The following FBXL4 variants were observed in gnomAD, a reference collection of about 807,000 sequenced individuals.
FBXL4 encodes the protein F-box and leucine rich repeat protein 4.
Under a neutral mutation model 58.9 loss-of-function variants are expected in FBXL4, and 40 were observed. That is an observed-to-expected ratio of 0.68 (90% CI 0.53 to 0.88). The LOEUF (loss-of-function observed/expected upper bound fraction) is 0.88. Ranked by LOEUF, FBXL4 falls within the 40% of genes least tolerant of loss-of-function variation. The pLI is 0.00. For synonymous variants in FBXL4, 263 were observed against 265.5 expected (o/e 0.99, Z 0.09); for missense variants, 676 against 734.4 (o/e 0.92, Z 0.92).
At chr6:98,916,341 C>T (rs1225401588) in intron 5 of FBXL4, among the ~76,000 whole-genome samples, 1 of 152,206 alleles carries the variant, frequency 6.6e-6, no homozygotes, top group African/African-American at 2.4e-5. Flanking sequence ...GACAATAAAT[C>T]ATGCTGCTAG....
At chr6:98,913,200 G>T (rs1000442541) in intron 5 of FBXL4, among the ~76,000 whole-genome samples, 8 of 152,224 alleles carry the variant, frequency 5.3e-5, no homozygotes, top group Admixed American at 5.2e-4. Context: ...ACCTAAAAGA[G>T]ACTTAGACTC....
intron 1 of FBXL4, among the ~76,000 whole-genome samples, chr6:98,947,562 T>C (rs1773669997): frequency 6.6e-6 from 1 of 152,236 alleles, no homozygotes; most frequent in African/African-American, 2.4e-5. Context: ...AGGCAGACTG[T>C]AGCGTAGAAA....
At position 98,897,020 on chromosome 6, in the gene FBXL4, C is replaced by T. The variant is rs924980225; in HGVS notation, c.1317+2248G>A. 6 of 984,922 alleles carry T rather than the reference C, an allele frequency of 6.1e-6. No individual in the cohort carries two copies. The South Asian group carries it at 2.4e-4, about 39-fold the overall frequency. 61.0% of individuals were successfully genotyped at this position (984,922 alleles called of 1,614,324 possible). On this transcript the variant is annotated intron_variant, in intron 7 of 9. Coordinates refer to ENST00000369244, the MANE Select transcript of FBXL4 (RefSeq NM_001278716.2). The stretch of plus-strand genomic sequence containing the variant: ...AAACATCTCATGGGATATATTTTCA[C>T]AAGCCACAATAGATATAAGATGCCT...
chr6:98,918,307 A>G (rs1488009911), intron 4 of FBXL4, among the ~76,000 whole-genome samples: 1 of 152,162 alleles, frequency 6.6e-6, no homozygotes, highest in Non-Finnish European at 1.5e-5. Flanking sequence ...CTTAGTATCT[A>G]GCAAATATCT....
chr6:98,881,654 A>C (rs1770857909), intron 7 of FBXL4, among the ~76,000 whole-genome samples: 1 of 152,090 alleles, frequency 6.6e-6, no homozygotes, highest in South Asian at 2.1e-4. Flanking sequence ...ATGTAAGGTT[A>C]CTTAAAGCAA....
chr6:98,928,829 A>G (rs1772891437), intron 2 of FBXL4, among the ~76,000 whole-genome samples: 1 of 152,210 alleles, frequency 6.6e-6, no homozygotes, highest in South Asian at 2.1e-4. Flanking sequence ...TGTCTAACCC[A>G]GCAAACCCAA....
intron 7 of FBXL4, chr6:98,898,381 A>G (rs1771480463): frequency 2.0e-6 from 2 of 985,430 alleles, no homozygotes; most frequent in Middle Eastern, 5.2e-4. Context: ...TCTATCCAAC[A>G]GCAGTAATAG....
intron 2 of FBXL4, among the ~76,000 whole-genome samples, chr6:98,929,019 GGGA>G (rs1442431165): frequency 2.0e-5 from 3 of 152,110 alleles, no homozygotes; most frequent in Non-Finnish European, 2.9e-5. Context: ...TCTTGAAGGA[GGGA>G]ATCTAGCCAA....
At chr6:98,898,266 G>C (rs1771476153) in intron 7 of FBXL4, 5 of 983,008 alleles carry the variant, frequency 5.1e-6, no homozygotes, top group Non-Finnish European at 6.0e-6. Context: ...GGAATAGAAA[G>C]AAGGCCAATA....
chr6:98,900,889 CCT>C lies in FBXL4; in HGVS notation c.1104-1410_1104-1409del, dbSNP rs566168370. On this transcript the variant is annotated intron_variant, in intron 6 of 9. Coordinates refer to ENST00000369244, the MANE Select transcript of FBXL4 (RefSeq NM_001278716.2). ...AACTCTGACACTCCTCACATAACTC[CCT>C]CTCTTGGATCTCCTCCAACCCCTCT... Among the ~76,000 whole-genome samples, 42 of 152,262 alleles carry C rather than the reference CCT, an allele frequency of 2.8e-4. No homozygotes were observed. In the South Asian group the frequency reaches 8.5e-3, roughly 31 times the overall value.
At chr6:98,906,334 A>AC (rs1771809379) in intron 5 of FBXL4, among the ~76,000 whole-genome samples, 1 of 123,978 alleles carries the variant, frequency 8.1e-6, no homozygotes, top group South Asian at 2.6e-4. Flanking sequence ...TAGCCCCACC[A>AC]CCCCCCAACA....
Position 98,874,211 on chromosome 6 carries a change from C to A in FBXL4, c.*67G>T. 2 of 1,334,844 alleles carry A rather than the reference C, an allele frequency of 1.5e-6. No homozygotes were observed. Among genetic ancestry groups the A allele is most frequent in the South Asian group, 1.8e-5 (1 of 54,124 alleles). 82.7% of individuals were successfully genotyped at this position (1,334,844 alleles called of 1,614,324 possible). A position where few individuals can be genotyped will look rare whatever the true frequency, so the allele number is the denominator to read the frequency against. The stretch of plus-strand genomic sequence containing the variant: ...ACCATTAAAACAACTAAAAACAAAA[C>A]CCAAAACCAATCCCAAAATTAAACC... On this transcript the variant is annotated 3_prime_UTR_variant, in exon 10 of 10. Transcript: ENST00000369244.
rs993618232 is a variant in FBXL4 at position 98,927,784 on chromosome 6, G to A, written c.-152C>T. The A allele has an allele frequency of 2.0e-5, 3 of 152,202 alleles. No individual in the cohort carries two copies. The highest frequency in any genetic ancestry group is 6.5e-5 in the Admixed American group (1 of 15,286). 9.4% of individuals were successfully genotyped at this position (152,202 alleles called of 1,614,324 possible). On this transcript the variant is annotated 5_prime_UTR_variant, in exon 3 of 10. Transcript: ENST00000369244. ...CCAGGTACCCTGAACTTTGCATGCTGACTTCAGGTACAAATGCTGACATGT... is the reference window on the plus strand; with the variant it reads ...CCAGGTACCCTGAACTTTGCATGCTAACTTCAGGTACAAATGCTGACATGT...
intron 5 of FBXL4, 77 bp from the exon 6 acceptor site, chr6:98,905,747 T>C: frequency 1.4e-6 from 2 of 1,411,826 alleles, no homozygotes; most frequent in South Asian, 1.3e-5. Flanking sequence ...CATAATCTAA[T>C]AAGGAATAAA....
chr6:98,920,900 A>G (rs1369013455), intron 4 of FBXL4, among the ~76,000 whole-genome samples: 1 of 151,950 alleles, frequency 6.6e-6, no homozygotes, highest in African/African-American at 2.4e-5. Flanking sequence ...GCCCCAGGGC[A>G]GTGTTGATAT....
chr6:98,873,595 G>C lies in FBXL4; in HGVS notation c.*683C>G, dbSNP rs534246842. On this transcript the variant is annotated 3_prime_UTR_variant, in exon 10 of 10. Transcript: ENST00000369244. ...GGAAACACTACAATTTTTTTTAAGA[G>C]AAAGGGACTTGCTATATTGCCCAGG... 2 of 151,954 alleles carry C rather than the reference G, an allele frequency of 1.3e-5. No individual in the cohort carries two copies. The highest frequency in any genetic ancestry group is 4.1e-4 in the South Asian group (2 of 4,820). The allele number at this position is 151,954 out of a possible 1,614,324, so 9.4% of individuals were successfully genotyped here.
At chr6:98,945,706 C>T (rs891466381) in intron 1 of FBXL4, among the ~76,000 whole-genome samples, 4 of 152,086 alleles carry the variant, frequency 2.6e-5, no homozygotes, top group African/African-American at 7.2e-5. Flanking sequence ...CTTCTACAGC[C>T]ATTTATCTCT....
rs754001134 is a variant in FBXL4 at position 98,926,519 on chromosome 6, C to A, written c.470G>T (p.Cys157Phe). Reference protein sequence around the residue: ...HPGAVIRILACSANPYSPNPP... With the variant: ...HPGAVIRILAFSANPYSPNPP... ...ATTTGGGGAATAAGGATTTGCAGAA[C>A]AAGCGAGAATTCTAATGACTGCTCC... Residue 157 changes from cysteine (C) to phenylalanine (F), a missense_variant, in exon 4 of 10, where the codon TGT becomes TTT. Transcript: ENST00000369244. The A allele has an allele frequency of 1.2e-6, 2 of 1,613,084 alleles. No homozygotes were observed. Among genetic ancestry groups the A allele is most frequent in the African/African-American group, 2.7e-5 (2 of 75,024 alleles).
intron 4 of FBXL4, among the ~76,000 whole-genome samples, chr6:98,925,878 T>G (rs896617913): frequency 6.6e-6 from 1 of 152,138 alleles, no homozygotes; most frequent in Non-Finnish European, 1.5e-5. Flanking sequence ...GAGAACAGGG[T>G]ACATGTGAGA....
Sources: gnomAD v4.1 joint callset for allele counts (sites outside exome capture counted in the v4.1 genomes callset) on GRCh38, gnomAD v4.1.1 for gene constraint, MANE v1.5 for transcripts, NCBI Gene and HGNC (gene_info 2026-07-23, HGNC 2026-07-21) for gene names.